The following RAB15 variants were observed in gnomAD, a reference collection of about 807,000 sequenced individuals.
RAB15 encodes ras-related protein Rab-15.
In RAB15, 13 loss-of-function variants were observed where a neutral mutation model predicts 31.8. That is an observed-to-expected ratio of 0.41 (90% CI 0.27 to 0.65). The LOEUF (loss-of-function observed/expected upper bound fraction) is 0.65, where lower values mean the gene tolerates loss of function less well. Ranked by LOEUF, RAB15 falls within the 30% of genes least tolerant of loss-of-function variation. RAB15 has a pLI of 0.32. For missense variants in RAB15, 220 were observed against 277.3 expected (o/e 0.79, Z 1.47); for synonymous variants, 100 against 105.6 (o/e 0.95, Z 0.33).
chr14:64,957,544 C>G (rs568864116), intron 1 of RAB15, among the ~76,000 whole-genome samples: 1 of 152,318 alleles, frequency 6.6e-6, no homozygotes, highest in Non-Finnish European at 1.5e-5. Flanking sequence ...CTCTTCTGCA[C>G]AAGAAAGTTT....
At position 64,952,607 on chromosome 14, in the gene RAB15, G is replaced by C. The variant is rs778413203; in HGVS notation, c.125-36C>G. 31 of 1,482,348 alleles carry C rather than the reference G, an allele frequency of 2.1e-5. No individual in the cohort carries two copies. The East Asian group carries it at 7.0e-4, about 34-fold the overall frequency. The allele number at this position is 1,482,348 out of a possible 1,614,324, so 91.8% of individuals were successfully genotyped here. A position where few individuals can be genotyped will look rare whatever the true frequency, so the allele number is the denominator to read the frequency against. ...GAAGAAAGAAAGAAAGTTAGAAAGC[G>C]TACCCACGAGAAATGAACAGGAAAG... On this transcript the variant is annotated intron_variant, in intron 1 of 6. Coordinates refer to ENST00000533601, the MANE Select transcript of RAB15 (RefSeq NM_001308154.2). This position sits in a 1 kb window ranked among gnomAD's most constrained non-coding sequence, Gnocchi z 4.2.
In RAB15 at chr14:64,971,737, G is replaced by A; in HGVS notation, c.124+216C>T. On this transcript the variant is annotated intron_variant, in intron 1 of 6. Transcript: ENST00000533601. The surrounding 1 kb of genome is among the most constrained non-coding windows in gnomAD (Gnocchi z 4.1). Reference sequence around the variant, plus strand: ...GGGACGGAAGGCTTCCCGGCAAGAGGCGGGAGACCCCACCCCTGGTCCGGA... The same window carrying A: ...GGGACGGAAGGCTTCCCGGCAAGAGACGGGAGACCCCACCCCTGGTCCGGA... 1 of 567,514 alleles carries A rather than the reference G, an allele frequency of 1.8e-6. No individual in the cohort carries two copies. Among genetic ancestry groups the A allele is most frequent in the Non-Finnish European group, 3.1e-6 (1 of 318,674 alleles). 35.2% of individuals were successfully genotyped at this position (567,514 alleles called of 1,614,324 possible).
Position 64,952,577 on chromosome 14 carries a change from G to A in RAB15, c.125-6C>T, listed in dbSNP as rs764948296. The A allele has an allele frequency of 6.2e-7, 1 of 1,601,180 alleles. No individual in the cohort carries two copies. Among genetic ancestry groups the A allele is most frequent in the Non-Finnish European group, 8.6e-7 (1 of 1,169,408 alleles). On this transcript the variant is annotated splice_polypyrimidine_tract_variant and splice_region_variant and intron_variant, in intron 1 of 6. Transcript: ENST00000533601. The surrounding 1 kb of genome is among the most constrained non-coding windows in gnomAD (Gnocchi z 4.2). Reference sequence around the variant, plus strand: ...CTTCATCTTAAAGTCAACACCTGAAGAAAGGAAGAAAGAAAGAAAGTTAGA... The same window carrying A: ...CTTCATCTTAAAGTCAACACCTGAAAAAAGGAAGAAAGAAAGAAAGTTAGA...
At chr14:64,964,233 C>A (rs1887003126) in intron 1 of RAB15, among the ~76,000 whole-genome samples, 1 of 151,832 alleles carries the variant, frequency 6.6e-6, no homozygotes, top group African/African-American at 2.4e-5. Flanking sequence ...AGAAAATAAC[C>A]CACTTTTAGG....
chr14:64,948,563 C>T lies in RAB15; in HGVS notation c.481-51G>A. 17 of 1,601,584 alleles carry T rather than the reference C, an allele frequency of 1.1e-5. No homozygotes were observed. Among genetic ancestry groups the T allele is most frequent in the Non-Finnish European group, 1.3e-5 (15 of 1,173,006 alleles). On this transcript the variant is annotated intron_variant, in intron 6 of 6. Transcript: ENST00000533601. This position sits in a 1 kb window ranked among gnomAD's most constrained non-coding sequence, Gnocchi z 7.0. ...TCCAGTGTCTCCTCCTCTCCCCTGGCAACCCTGCAGCGGCCTGAGGGATAA... is the reference window on the plus strand; with the variant it reads ...TCCAGTGTCTCCTCCTCTCCCCTGGTAACCCTGCAGCGGCCTGAGGGATAA...
intron 5 of RAB15, among the ~76,000 whole-genome samples, chr14:64,949,047 G>A (rs1886082485): frequency 6.6e-6 from 1 of 152,206 alleles, no homozygotes; most frequent in African/African-American, 2.4e-5. Flanking sequence ...GGGCTCTGGA[G>A]TCCCACAGTC....
intron 1 of RAB15, among the ~76,000 whole-genome samples, chr14:64,957,581 T>C (rs1886646060): frequency 1.3e-5 from 2 of 152,176 alleles, no homozygotes; most frequent in African/African-American, 4.8e-5. Context: ...TGCATAGTGC[T>C]TGTCTTTACA....
intron 1 of RAB15, among the ~76,000 whole-genome samples, chr14:64,959,840 C>A (rs1480921744): frequency 8.0e-6 from 1 of 125,376 alleles, no homozygotes; most frequent in East Asian, 3.0e-4. Flanking sequence ...CAGAGCAGGA[C>A]CCTGTCTCAA....
Position 64,953,872 on chromosome 14 carries a change from CG to C in RAB15, c.125-1302del. On this transcript the variant is annotated intron_variant, in intron 1 of 6. Transcript: ENST00000533601. This position sits in a 1 kb window ranked among gnomAD's most constrained non-coding sequence, Gnocchi z 4.6. ...ATGGGAACATGGTAGAGTTCCGAAC[CG>C]TCTGCCACCAGCTGCACTGCCCGGC... is the stretch of plus-strand genomic sequence containing the variant. The C allele has an allele frequency of 8.1e-6, 8 of 985,352 alleles. No individual in the cohort carries two copies. The highest frequency in any genetic ancestry group is 9.6e-6 in the Non-Finnish European group (8 of 829,894). The allele number at this position is 985,352 out of a possible 1,614,324, so 61.0% of individuals were successfully genotyped here.
At chr14:64,969,808 G>T (rs1021145152) in intron 1 of RAB15, among the ~76,000 whole-genome samples, 1 of 152,206 alleles carries the variant, frequency 6.6e-6, no homozygotes, top group African/African-American at 2.4e-5. Context: ...CCTATTTAGT[G>T]TTCACCTATT....
Position 64,971,547 on chromosome 14 carries a change from G to C in RAB15, c.124+406C>G, listed in dbSNP as rs1294192773. Among the ~76,000 whole-genome samples the C allele has an allele frequency of 6.6e-6, 1 of 151,600 alleles. No homozygotes were observed. Among genetic ancestry groups the C allele is most frequent in the Non-Finnish European group, 1.5e-5 (1 of 67,906 alleles). ...TCACCACAGAACCAAGGGCGCCTCA[G>C]TGACTCCGGTCTCCACCCTGACCCC... On this transcript the variant is annotated intron_variant, in intron 1 of 6. Transcript: ENST00000533601. This position sits in a 1 kb window ranked among gnomAD's most constrained non-coding sequence, Gnocchi z 4.1.
rs552609490 is a variant in RAB15 at position 64,948,162 on chromosome 14, G to A, written c.*192C>T. On this transcript the variant is annotated 3_prime_UTR_variant, in exon 7 of 7. Transcript: ENST00000533601. The surrounding 1 kb of genome is among the most constrained non-coding windows in gnomAD (Gnocchi z 7.0). ...TGAAGAAGACCACTCCAGGGTGGAC[G>A]GGCTGGGGACAGGGGCTGCTTGAGA... The A allele has an allele frequency of 1.5e-4, 81 of 555,690 alleles. No individual in the cohort carries two copies. In the Middle Eastern group the frequency reaches 4.7e-3, roughly 32 times the overall value. The allele number at this position is 555,690 out of a possible 1,614,324, so 34.4% of individuals were successfully genotyped here. A position where few individuals can be genotyped will look rare whatever the true frequency, so the allele number is the denominator to read the frequency against.
chr14:64,970,012 T>C lies in RAB15; in HGVS notation c.124+1941A>G, dbSNP rs1887343143. On this transcript the variant is annotated intron_variant, in intron 1 of 6. Transcript: ENST00000533601. This position sits in a 1 kb window ranked among gnomAD's most constrained non-coding sequence, Gnocchi z 4.1. ...CAGGGGAGGCTGCCTCCCACAGCAC[T>C]AAGCAGGAGTCCCAGAGCTTCTGAA... is the stretch of plus-strand genomic sequence containing the variant. Among the ~76,000 whole-genome samples, 1 of 152,106 alleles carries C rather than the reference T, an allele frequency of 6.6e-6. No homozygotes were observed. Among genetic ancestry groups the C allele is most frequent in the Admixed American group, 6.5e-5 (1 of 15,278 alleles).
rs1886455361 is a variant in RAB15, at chr14:64,954,819, A to G, written c.125-2248T>C. ...AGGCCTGGAAGCCCTAACTCTGCTTAGTTTCCTTTTTGCCTGTGGGTGCCT... is the reference window on the plus strand; with the variant it reads ...AGGCCTGGAAGCCCTAACTCTGCTTGGTTTCCTTTTTGCCTGTGGGTGCCT... On this transcript the variant is annotated intron_variant, in intron 1 of 6. Coordinates refer to ENST00000533601, the MANE Select transcript of RAB15 (RefSeq NM_001308154.2). This position sits in a 1 kb window ranked among gnomAD's most constrained non-coding sequence, Gnocchi z 4.3. Among the ~76,000 whole-genome samples the G allele has an allele frequency of 6.6e-6, 1 of 152,136 alleles. No homozygotes were observed. The highest frequency in any genetic ancestry group is 2.4e-5 in the African/African-American group (1 of 41,430).
chr14:64,951,261 T>G lies in RAB15; in HGVS notation c.247-110A>C. The G allele has an allele frequency of 7.0e-6, 6 of 861,336 alleles. No homozygotes were observed. In the South Asian group the frequency reaches 9.6e-5, roughly 14 times the overall value. The allele number at this position is 861,336 out of a possible 1,614,324, so 53.4% of individuals were successfully genotyped here. A position where few individuals can be genotyped will look rare whatever the true frequency, so the allele number is the denominator to read the frequency against. On this transcript the variant is annotated intron_variant, in intron 3 of 6. Transcript: ENST00000533601. The surrounding 1 kb of genome is among the most constrained non-coding windows in gnomAD (Gnocchi z 7.2). Reference sequence around the variant, plus strand: ...TTGGGTCCCACTCTCCCATTCTCCCTGCTCAGCATCCAGAAATATCTCTTC... The same window carrying G: ...TTGGGTCCCACTCTCCCATTCTCCCGGCTCAGCATCCAGAAATATCTCTTC...
rs768252741 is a variant in RAB15 at position 64,950,927 on chromosome 14, C to T, written c.324+147G>A. The T allele has an allele frequency of 2.5e-6, 4 of 1,585,184 alleles. No homozygotes were observed. In the South Asian group the frequency reaches 3.3e-5, roughly 13 times the overall value. ...AGGGCATGGCAGCTTCGGTTTCTTC[C>T]CCATGTCTTACTCACCCAGAGGTCT... On this transcript the variant is annotated intron_variant, in intron 4 of 6. Transcript: ENST00000533601. The surrounding 1 kb of genome is among the most constrained non-coding windows in gnomAD (Gnocchi z 5.6).
At chr14:64,956,952 G>GTCA (rs1566845175) in intron 1 of RAB15, among the ~76,000 whole-genome samples, 1 of 147,316 alleles carries the variant, frequency 6.8e-6, no homozygotes, top group Admixed American at 6.7e-5. Flanking sequence ...TTTTTTTTTG[G>GTCA]GATGGAGTCT....
At chr14:64,964,531 GAA>G (rs1172872962) in intron 1 of RAB15, among the ~76,000 whole-genome samples, 2 of 96,066 alleles carry the variant, frequency 2.1e-5, no homozygotes, top group South Asian at 8.0e-4. Flanking sequence ...AAAAAAAAAA[GAA>G]AAAAAGAAAA....
chr14:64,951,176 T>A lies in RAB15; in HGVS notation c.247-25A>T. On this transcript the variant is annotated intron_variant, in intron 3 of 6. Transcript: ENST00000533601. This position sits in a 1 kb window ranked among gnomAD's most constrained non-coding sequence, Gnocchi z 7.2. ...CCTGAGAGAGAGAGAAATAGAGAGA[T>A]GTGATATGCACAGAGAGAGTGCAGT... 2.0e-6 allele frequency: 3 copies of A among 1,520,300 alleles called. No individual in the cohort carries two copies. Among genetic ancestry groups the A allele is most frequent in the South Asian group, 1.1e-5 (1 of 88,952 alleles). The allele number at this position is 1,520,300 out of a possible 1,614,324, so 94.2% of individuals were successfully genotyped here. A position where few individuals can be genotyped will look rare whatever the true frequency, so the allele number is the denominator to read the frequency against.
Sources: allele counts gnomAD v4.1 joint callset (sites outside exome capture counted in the v4.1 genomes callset), GRCh38; gene constraint gnomAD v4.1.1; non-coding constraint Gnocchi (gnomAD v3.1); transcripts MANE v1.5; gene names NCBI Gene and HGNC (gene_info 2026-07-23, HGNC 2026-07-21).